FLNB: variants seen among roughly 807,000 people sequenced by gnomAD.
FLNB encodes the protein filamin B.
FLNB carries 111 observed loss-of-function variants against 250.6 expected under a neutral mutation model. The observed-to-expected ratio is 0.44, with a 90% CI of 0.38 to 0.52. The LOEUF (loss-of-function observed/expected upper bound fraction) is 0.52, where lower values mean the gene tolerates loss of function less well. FLNB is among the 20% of genes least tolerant of loss of function. FLNB has a pLI of 0.00. For synonymous variants in FLNB, 1,302 were observed against 1,372.1 expected (o/e 0.95, Z 1.13); for missense variants, 2,869 against 3,447.8 (o/e 0.83, Z 4.20).
At chr3:58,054,127 G>T (rs771333439) in intron 1 of FLNB, among the ~76,000 whole-genome samples, 2 of 152,200 alleles carry the variant, frequency 1.3e-5, no homozygotes, top group Non-Finnish European at 2.9e-5. Context: ...TGGCTCTGGA[G>T]CTTGGTGCTG....
intron 1 of FLNB, among the ~76,000 whole-genome samples, chr3:58,052,485 C>T (rs148382602): frequency 7.9e-4 from 120 of 152,244 alleles, no homozygotes; most frequent in African/African-American, 2.8e-3. Context: ...GCACCCAGCC[C>T]GGTGAGTAAG....
intron 1 of FLNB, among the ~76,000 whole-genome samples, chr3:58,022,823 T>TC: frequency 7.0e-6 from 1 of 143,868 alleles, no homozygotes; most frequent in East Asian, 2.0e-4. Flanking sequence ...AATTTGCTTC[T>TC]TTTTTTTTTT....
intron 11 of FLNB, 31 bp downstream of exon 11, chr3:58,105,247 G>A (rs1381184417): frequency 1.2e-6 from 2 of 1,613,788 alleles, no homozygotes; most frequent in African/African-American, 1.3e-5. Context: ...AGCATCTTCT[G>A]GAGGACTGAG....
chr3:58,043,132 T>G (rs557806940), intron 1 of FLNB, among the ~76,000 whole-genome samples: 1 of 150,598 alleles, frequency 6.6e-6, no homozygotes, highest in South Asian at 2.1e-4. Context: ...TTTTGGTAAT[T>G]TGGCATTCCT....
intron 22 of FLNB, 113 bp from the exon 23 acceptor site, chr3:58,125,468 C>G (rs2097296207): frequency 8.0e-7 from 1 of 1,243,446 alleles, no homozygotes. Flanking sequence ...TTCCAAATAA[C>G]ATAGTATAGC....
chr3:58,013,494 C>T (rs1187661574), intron 1 of FLNB, among the ~76,000 whole-genome samples: 1 of 152,126 alleles, frequency 6.6e-6, no homozygotes, highest in Non-Finnish European at 1.5e-5. Flanking sequence ...TAGCAGATGC[C>T]AGCATGTCTT....
chr3:58,096,161 T>C lies in FLNB; in HGVS notation c.927T>C (p.Ser309=), dbSNP rs1522384. The change falls in exon 6 of 46, where the codon AGT becomes AGC. Residue 309 remains serine (S), a synonymous_variant. Transcript: ENST00000295956. ...NKEEAQVTPD[S]DKNKTYSVEY... is the part of the protein sequence containing the mutation. Reference sequence around the variant, plus strand: ...CCTAGGCACAAGTGACCCCTGACAGTGACAAGAACAAGACATACTCTGTGG... The same window carrying C: ...CCTAGGCACAAGTGACCCCTGACAGCGACAAGAACAAGACATACTCTGTGG... 620,805 of 1,612,054 alleles carry C rather than the reference T, an allele frequency of 0.39. 135,703 individuals carry two copies. Among genetic ancestry groups the C allele is most frequent in the East Asian group, 0.98 (44,048 of 44,860 alleles).
At position 58,124,275 on chromosome 3, in the gene FLNB, G is replaced by T. The variant is rs547089619; in HGVS notation, c.3725-57G>T. ...AAGTGCCAAGAACCTTGGTTCTGGG[G>T]TTTGCTTTTGGGTCTGGGGTACTGG... On this transcript the variant is annotated intron_variant, in intron 21 of 45. Coordinates refer to ENST00000295956, the MANE Select transcript of FLNB (RefSeq NM_001457.4). 1.1e-5 allele frequency: 18 copies of T among 1,596,436 alleles called. No individual in the cohort carries two copies. The African/African-American group carries it at 2.3e-4, about 20-fold the overall frequency.
intron 2 of FLNB, 192 bp from the exon 3 acceptor site, chr3:58,078,525 G>A (rs2097204689): frequency 4.6e-6 from 7 of 1,536,382 alleles, no homozygotes; most frequent in Non-Finnish European, 3.5e-6. Context: ...TCTCAGTAAT[G>A]GAGGATAGTT....
At chr3:58,049,850 C>T (rs886416916) in intron 1 of FLNB, among the ~76,000 whole-genome samples, 1 of 152,082 alleles carries the variant, frequency 6.6e-6, no homozygotes, top group African/African-American at 2.4e-5. Flanking sequence ...TTAGACTGCT[C>T]AGGGTAGTGT....
rs756022258 is a variant in FLNB at position 58,110,035 on chromosome 3, T to C, written c.2349T>C (p.Cys783=). The part of the protein sequence containing the change: ...GEGDVSVGIK[C]DARVLSEDEE... ...GTGATGTCAGTGTTGGCATTAAGTG[T>C]GATGCCCGGGTGTTAAGTGAAGATG... The change falls in exon 16 of 46, where the codon TGT becomes TGC. Residue 783 remains cysteine, a synonymous_variant. Coordinates refer to ENST00000295956, the MANE Select transcript of FLNB (RefSeq NM_001457.4). The C allele has an allele frequency of 1.2e-6, 2 of 1,614,184 alleles. No individual in the cohort carries two copies. Among genetic ancestry groups the C allele is most frequent in the Non-Finnish European group, 1.7e-6 (2 of 1,180,034 alleles).
intron 1 of FLNB, among the ~76,000 whole-genome samples, chr3:58,033,925 A>G (rs2097134406): frequency 6.6e-6 from 1 of 151,376 alleles, no homozygotes; most frequent in Non-Finnish European, 1.5e-5. Flanking sequence ...CAGTGGTGTG[A>G]TCTTGGCTCA....
At chr3:58,061,810 G>T (rs890671963) in intron 1 of FLNB, among the ~76,000 whole-genome samples, 15 of 151,914 alleles carry the variant, frequency 9.9e-5, no homozygotes, top group Non-Finnish European at 1.6e-4. Context: ...TTTTTGGGGG[G>T]GCTGGGTGTG....
At position 58,094,832 on chromosome 3, in the gene FLNB, G is replaced by A; in HGVS notation, c.788-4G>A. 1.2e-6 allele frequency: 2 copies of A among 1,612,988 alleles called. No individual in the cohort carries two copies. The highest frequency in any genetic ancestry group is 1.7e-6 in the Non-Finnish European group (2 of 1,178,956). On this transcript the variant is annotated splice_region_variant and splice_polypyrimidine_tract_variant and intron_variant, in intron 4 of 45. Coordinates refer to ENST00000295956, the MANE Select transcript of FLNB (RefSeq NM_001457.4). ...TCTAACATGTCTGTGTAAACCTGTG[G>A]CAGGAATCGAGCCCACTGGAAACAT...
chr3:58,131,518 C>T (rs1186300639), intron 25 of FLNB, among the ~76,000 whole-genome samples: 3 of 152,168 alleles, frequency 2.0e-5, no homozygotes, highest in Admixed American at 6.5e-5. Context: ...GATAAGTGAC[C>T]ATGTTTCCTC....
intron 39 of FLNB, among the ~76,000 whole-genome samples, chr3:58,154,117 C>T (rs1216410987): frequency 6.6e-6 from 1 of 152,174 alleles, no homozygotes; most frequent in African/African-American, 2.4e-5. Flanking sequence ...CTTTTTCTCT[C>T]TTGTTTGTTA....
chr3:58,071,432 C>A (rs893826601), intron 1 of FLNB, among the ~76,000 whole-genome samples: 1 of 151,996 alleles, frequency 6.6e-6, no homozygotes, highest in Non-Finnish European at 1.5e-5. Context: ...GCACACACCA[C>A]CATGCCCAGC....
At chr3:58,112,443 A>G (rs2097270464) in intron 18 of FLNB, 125 bp downstream of exon 18, 2 of 968,770 alleles carry the variant, frequency 2.1e-6, no homozygotes, top group Non-Finnish European at 1.6e-6. Context: ...CCCTGATGGG[A>G]GGCAGCTCCT....
At chr3:58,094,789 A>G (rs1390541999) in intron 4 of FLNB, 47 bp from the exon 5 acceptor site, 1 of 1,516,818 alleles carries the variant, frequency 6.6e-7, no homozygotes, top group African/African-American at 1.4e-5. Context: ...ATGGCTCATG[A>G]CACACCCTCG....
Sources: allele counts gnomAD v4.1 joint callset (sites outside exome capture counted in the v4.1 genomes callset), GRCh38; gene constraint gnomAD v4.1.1; transcripts MANE v1.5; gene names NCBI Gene and HGNC (gene_info 2026-07-23, HGNC 2026-07-21).